Variants in TACC2 observed in about 807,000 individuals in gnomAD.
The protein encoded by TACC2 is transforming acidic coiled-coil-containing protein 2.
A neutral mutation model predicts 227.3 loss-of-function variants in TACC2; 137 were observed. The observed-to-expected ratio is 0.60, with a 90% CI of 0.52 to 0.69. The LOEUF (loss-of-function observed/expected upper bound fraction) is 0.69, where lower values mean the gene tolerates loss of function less well. Among genes scored for constraint, TACC2 ranks in the 30% least tolerant of loss-of-function variants. TACC2 has a pLI of 0.00. For synonymous variants in TACC2, 1,523 were observed against 1,487.5 expected (o/e 1.02, Z -0.55); for missense variants, 3,470 against 3,694.4 (o/e 0.94, Z 1.57).
At chr10:122,155,299 A>G (rs2092390112) in intron 7 of TACC2, among the ~76,000 whole-genome samples, 1 of 152,200 alleles carries the variant, frequency 6.6e-6, no homozygotes, top group South Asian at 2.1e-4. Flanking sequence ...CTCTGTTTAC[A>G]CCCAAATGTT....
chr10:122,061,285 C>CGAAA (rs2076792485), intron 3 of TACC2, among the ~76,000 whole-genome samples: 1 of 87,106 alleles, frequency 1.1e-5, no homozygotes, highest in Non-Finnish European at 2.1e-5. Flanking sequence ...CACTCCGTCT[C>CGAAA]AAAAAAAAAA....
At chr10:122,181,935 T>C (rs1198657664) in intron 7 of TACC2, among the ~76,000 whole-genome samples, 1 of 152,244 alleles carries the variant, frequency 6.6e-6, no homozygotes, top group Non-Finnish European at 1.5e-5. Flanking sequence ...TAAGTCTTCC[T>C]TCCTCGTGAT....
chr10:122,019,129 A>G (rs1443042708), intron 1 of TACC2, among the ~76,000 whole-genome samples: 1 of 151,978 alleles, frequency 6.6e-6, no homozygotes, highest in Admixed American at 6.6e-5. Context: ...TTGGGTCGGT[A>G]CTCTGCCCCA....
At chr10:122,192,568 G>A (rs1046615785) in intron 7 of TACC2, 11 of 402,618 alleles carry the variant, frequency 2.7e-5, no homozygotes, top group African/African-American at 4.1e-5. Flanking sequence ...ATCTGTGGCC[G>A]GTGGTGCAGC....
At chr10:122,185,384 T>TG (rs35994632) in intron 7 of TACC2, among the ~76,000 whole-genome samples, 4 of 151,948 alleles carry the variant, frequency 2.6e-5, no homozygotes, top group Non-Finnish European at 5.9e-5. Context: ...TTAGTAGAGA[T>TG]GGGGTTTCTC....
At chr10:122,240,698 C>T (rs1161443803) in intron 18 of TACC2, among the ~76,000 whole-genome samples, 1 of 152,158 alleles carries the variant, frequency 6.6e-6, no homozygotes, top group Non-Finnish European at 1.5e-5. Context: ...CATTAGGGTC[C>T]TGGATCTTCA....
chr10:122,021,422 G>A (rs1177568531), intron 1 of TACC2, among the ~76,000 whole-genome samples: 10 of 152,104 alleles, frequency 6.6e-5, no homozygotes, highest in Admixed American at 6.5e-4. Flanking sequence ...CTGATTTGAT[G>A]AAACAAGTGT....
chr10:122,022,110 A>C, intron 2 of TACC2, 96 bp downstream of exon 2: 2 of 1,266,746 alleles, frequency 1.6e-6, no homozygotes, highest in Non-Finnish European at 2.3e-6. Flanking sequence ...CCCAGGAAGG[A>C]GCAAACAAGA....
In TACC2 at chr10:122,143,724, C is replaced by T; in HGVS notation, c.5834+18C>T. On this transcript the variant is annotated intron_variant, in intron 7 of 22. Coordinates refer to ENST00000369005, the MANE Select transcript of TACC2 (RefSeq NM_206862.4). ...CTCAGCAGGTATTGCGCAAGTCCCC[C>T]TCCACAGCACCTGCCCCCGGAGAGC... is the stretch of plus-strand genomic sequence containing the variant. 2.5e-6 allele frequency: 4 copies of T among 1,610,160 alleles called. No homozygotes were observed. Among genetic ancestry groups the T allele is most frequent in the Non-Finnish European group, 2.5e-6 (3 of 1,177,206 alleles).
At position 122,237,526 on chromosome 10, in the gene TACC2, C is replaced by G; in HGVS notation, c.8259C>G (p.Ile2753Met). The change falls in exon 17 of 23, where the codon ATC becomes ATG. Residue 2753 changes from isoleucine to methionine, a missense_variant. Ile to Met is a conservative substitution (Grantham distance 10). Coordinates refer to ENST00000369005, the MANE Select transcript of TACC2 (RefSeq NM_206862.4). ...QQPDLDSALQ[I>M]ARAEIITKER... ...CCGACCTGGACTCTGCCCTCCAGAT[C>G]GCCAGAGCAGAGGTATCGTGGCATG... 6.2e-7 allele frequency: 1 copy of G among 1,613,440 alleles called. No individual in the cohort carries two copies. The highest frequency in any genetic ancestry group is 8.5e-7 in the Non-Finnish European group (1 of 1,179,658).
chr10:122,219,899 A>G (rs2141215083), intron 11 of TACC2, among the ~76,000 whole-genome samples: 1 of 152,110 alleles, frequency 6.6e-6, no homozygotes, highest in Admixed American at 6.5e-5. Flanking sequence ...TTAGCTGGGC[A>G]TGGTGGTGGG....
chr10:122,083,835 T>C lies in TACC2; in HGVS notation c.1335T>C (p.Val445=). Residue 445 remains valine, a synonymous_variant, in exon 4 of 23, where the codon GTT becomes GTC. Coordinates refer to ENST00000369005, the MANE Select transcript of TACC2 (RefSeq NM_206862.4). ...EEPGSSSRES[V]SKAGMPVSAD... The stretch of plus-strand genomic sequence containing the variant: ...CTGGATCATCATCCAGGGAATCAGT[T>C]TCCAAGGCTGGGATGCCAGTTTCTG... 6.2e-7 allele frequency: 1 copy of C among 1,614,152 alleles called. No individual in the cohort carries two copies.
chr10:122,230,072 A>G (rs1236481121), intron 15 of TACC2, among the ~76,000 whole-genome samples: 1 of 152,154 alleles, frequency 6.6e-6, no homozygotes, highest in African/African-American at 2.4e-5. Flanking sequence ...AATGAAAGAA[A>G]AGAGAACAGT....
chr10:122,245,347 G>A (rs188138442), intron 19 of TACC2, among the ~76,000 whole-genome samples: 12 of 152,094 alleles, frequency 7.9e-5, no homozygotes, highest in Admixed American at 5.9e-4. Context: ...TCCTGGGAAC[G>A]GGGTAATTCT....
chr10:122,032,996 C>A (rs1205720776), intron 2 of TACC2: 3 of 712,444 alleles, frequency 4.2e-6, no homozygotes, highest in Non-Finnish European at 6.0e-6. Context: ...ACAACAACAA[C>A]AACAAAAACA....
intron 6 of TACC2, among the ~76,000 whole-genome samples, chr10:122,137,386 G>C (rs1160922744): frequency 6.6e-6 from 1 of 152,082 alleles, no homozygotes; most frequent in African/African-American, 2.4e-5. Context: ...AGGAGGCTGG[G>C]GTGGGAGGAT....
intron 7 of TACC2, among the ~76,000 whole-genome samples, chr10:122,178,074 A>G (rs2093805029): frequency 6.6e-6 from 1 of 152,174 alleles, no homozygotes; most frequent in South Asian, 2.1e-4. Flanking sequence ...ACATAAATTT[A>G]TTTCTAACAG....
rs185152746 is a variant in TACC2, at chr10:122,108,796, C to T, written c.5573+20205C>T. Reference sequence around the variant, plus strand: ...GTCACCAGGCTGGAGTGCAATGGTGCGATCCCGGCTCACTGCAGCCTCTGC... The same window carrying T: ...GTCACCAGGCTGGAGTGCAATGGTGTGATCCCGGCTCACTGCAGCCTCTGC... On this transcript the variant is annotated intron_variant, in intron 5 of 22. Transcript: ENST00000369005. Among the ~76,000 whole-genome samples, 543 of 150,918 alleles carry T rather than the reference C, an allele frequency of 3.6e-3. 3 individuals carry two copies. Among genetic ancestry groups the T allele is most frequent in the African/African-American group, 0.013 (526 of 41,012 alleles).
Position 122,084,851 on chromosome 10 carries a change from G to T in TACC2, c.2351G>T (p.Gly784Val), listed in dbSNP as rs1471985798. 7.4e-6 allele frequency: 12 copies of T among 1,613,790 alleles called. No homozygotes were observed. The African/African-American group carries it at 9.3e-5, about 13-fold the overall frequency. Reference sequence around the variant, plus strand: ...GCTGGGGTGCCACATCCCCCCCAGGGGGAGAACTTGGCAGCAGACCTGGGG... The same window carrying T: ...GCTGGGGTGCCACATCCCCCCCAGGTGGAGAACTTGGCAGCAGACCTGGGG... ...FHAGVPHPPQ[G>V]ENLAADLGLT... Residue 784 changes from glycine to valine, a missense_variant, in exon 4 of 23, where the codon GGG (glycine) becomes GTG (valine). Around this residue, in one of 10 missense-constraint regions of TACC2, gnomAD observed 1,924 missense variants for 1,978.3 expected, o/e 0.97. Coordinates refer to ENST00000369005, the MANE Select transcript of TACC2 (RefSeq NM_206862.4).
Sources: gnomAD v4.1 joint callset for allele counts (sites outside exome capture counted in the v4.1 genomes callset) on GRCh38, gnomAD v4.1.1 for gene constraint, gnomAD v4.1.1 regional missense constraint, MANE v1.5 for transcripts, NCBI Gene and HGNC (gene_info 2026-07-23, HGNC 2026-07-21) for gene names.